Variants in GTF2I observed in about 807,000 individuals in gnomAD.
GTF2I encodes the protein general transcription factor IIi.
A neutral mutation model predicts 67.6 loss-of-function variants in GTF2I; 12 were observed. The ratio of observed to expected loss-of-function variants is 0.18; its 90% CI spans 0.11 to 0.29. The LOEUF (loss-of-function observed/expected upper bound fraction) is 0.29, where lower values mean the gene tolerates loss of function less well. Among genes scored for constraint, GTF2I ranks in the 10% least tolerant of loss-of-function variants. The pLI is 1.00. For missense variants in GTF2I, 271 were observed against 580.1 expected (o/e 0.47, Z 5.47); for synonymous variants, 149 against 197.0 (o/e 0.76, Z 2.04).
At chr7:74,663,286 GTATT>G (rs1376915644) in intron 1 of GTF2I, among the ~76,000 whole-genome samples, 11 of 152,184 alleles carry the variant, frequency 7.2e-5, no homozygotes, top group South Asian at 2.1e-4. Flanking sequence ...CTAAGGGAAA[GTATT>G]TATTTATTTT....
chr7:74,687,033 A>G lies in GTF2I; in HGVS notation c.-5-2091A>G, dbSNP rs1344003143. ...GCCTCCTGAGTGACTGGAATTACAG[A>G]TGGTACACCACCATGCCTGGCTAAT... On this transcript the variant is annotated intron_variant, in intron 1 of 34. Transcript: ENST00000573035. Among the ~76,000 whole-genome samples the G allele has an allele frequency of 4.0e-5, 6 of 150,892 alleles. No individual in the cohort carries two copies. In the East Asian group the frequency reaches 1.2e-3, roughly 30 times the overall value.
At chr7:74,732,164 A>T (rs1449683545) in intron 14 of GTF2I, among the ~76,000 whole-genome samples, 4 of 145,124 alleles carry the variant, frequency 2.8e-5, no homozygotes, top group Admixed American at 1.4e-4. Flanking sequence ...TATATACATA[A>T]ACACATATAC....
chr7:74,726,660 A>T (rs1793819246), intron 12 of GTF2I: 1 of 152,292 alleles, frequency 6.6e-6, no homozygotes, highest in Non-Finnish European at 1.5e-5. Context: ...CCTGGGCAAC[A>T]TAATGAGACC....
chr7:74,660,549 A>G (rs1365243890), intron 1 of GTF2I, among the ~76,000 whole-genome samples: 1 of 149,480 alleles, frequency 6.7e-6, no homozygotes, highest in Non-Finnish European at 1.5e-5. Context: ...CTCCCAATCA[A>G]CTTGTGTGCC....
chr7:74,666,967 GAC>G (rs1805038614), intron 1 of GTF2I, among the ~76,000 whole-genome samples: 1 of 151,696 alleles, frequency 6.6e-6, no homozygotes, highest in Admixed American at 6.6e-5. Context: ...GTGACAGTGT[GAC>G]ACTCTGTCTC....
chr7:74,739,054 G>A (rs1287975485), intron 19 of GTF2I, among the ~76,000 whole-genome samples: 29 of 36,424 alleles, frequency 8.0e-4, no homozygotes, highest in South Asian at 5.9e-3. Context: ...TTTTTGAGAC[G>A]GAGCCTCACT....
intron 9 of GTF2I, among the ~76,000 whole-genome samples, chr7:74,712,344 G>A (rs1451099270): frequency 6.6e-6 from 1 of 152,056 alleles, no homozygotes; most frequent in East Asian, 1.9e-4. Flanking sequence ...AAGAAACAAC[G>A]TGTAACTATT....
intron 1 of GTF2I, among the ~76,000 whole-genome samples, chr7:74,670,197 T>C (rs1198268022): frequency 6.6e-6 from 1 of 152,216 alleles, no homozygotes; most frequent in East Asian, 1.9e-4. Flanking sequence ...TTATTAAGAA[T>C]TGACATGCAT....
At chr7:74,673,079 C>G (rs1441575696) in intron 1 of GTF2I, among the ~76,000 whole-genome samples, 1 of 152,118 alleles carries the variant, frequency 6.6e-6, no homozygotes, top group African/African-American at 2.4e-5. Context: ...CCAGGATGGT[C>G]TCCATTTCCT....
chr7:74,664,576 G>A (rs1554387838), intron 1 of GTF2I, among the ~76,000 whole-genome samples: 1 of 152,108 alleles, frequency 6.6e-6, no homozygotes, highest in African/African-American at 2.4e-5. Flanking sequence ...TGGGATTACA[G>A]GTGTGTGCCA....
intron 10 of GTF2I, 71 bp downstream of exon 10, chr7:74,714,987 T>C (rs1792086381): frequency 4.5e-6 from 4 of 887,222 alleles, no homozygotes; most frequent in African/African-American, 1.7e-5. Context: ...GCACAGACTG[T>C]GTTTTAATAT....
At chr7:74,664,804 A>C (rs1448232568) in intron 1 of GTF2I, among the ~76,000 whole-genome samples, 1 of 152,162 alleles carries the variant, frequency 6.6e-6, no homozygotes, top group African/African-American at 2.4e-5. Flanking sequence ...ACAAATTTAT[A>C]AATTGAGAGA....
chr7:74,749,944 A>C (rs1423961859), intron 26 of GTF2I, among the ~76,000 whole-genome samples: 22 of 145,468 alleles, frequency 1.5e-4, no homozygotes, highest in African/African-American at 5.5e-4. Flanking sequence ...CTGCTGGTAG[A>C]AGGGAAGGAG....
At chr7:74,669,240 T>C (rs1229192479) in intron 1 of GTF2I, among the ~76,000 whole-genome samples, 4 of 146,134 alleles carry the variant, frequency 2.7e-5, no homozygotes, top group Non-Finnish European at 6.0e-5. Context: ...TTTTTTTTTT[T>C]TTTTTTTTGA....
chr7:74,673,142 G>C (rs367870108), intron 1 of GTF2I, among the ~76,000 whole-genome samples: 1 of 152,134 alleles, frequency 6.6e-6, no homozygotes. Flanking sequence ...TTACAGGCCT[G>C]AGCCACTGCC....
intron 1 of GTF2I, among the ~76,000 whole-genome samples, chr7:74,682,709 A>G (rs587706963): frequency 6.6e-6 from 1 of 152,362 alleles, no homozygotes; most frequent in East Asian, 1.9e-4. Flanking sequence ...CATAAGGGTA[A>G]GAACCACTGG....
chr7:74,677,087 C>T (rs1194868189), intron 1 of GTF2I, among the ~76,000 whole-genome samples: 2 of 151,960 alleles, frequency 1.3e-5, no homozygotes, highest in South Asian at 4.2e-4. Flanking sequence ...AAACAAAAAA[C>T]CGAAAAAACC....
intron 1 of GTF2I, among the ~76,000 whole-genome samples, chr7:74,686,156 C>T (rs1298316175): frequency 6.6e-6 from 1 of 152,056 alleles, no homozygotes; most frequent in African/African-American, 2.4e-5. Context: ...AGAAAGCAAC[C>T]AATCAGAGAT....
intron 10 of GTF2I, among the ~76,000 whole-genome samples, chr7:74,716,325 A>G (rs1792259931): frequency 6.6e-6 from 1 of 152,120 alleles, no homozygotes; most frequent in African/African-American, 2.4e-5. Context: ...ATATTACCTG[A>G]CTTAAAATGC....
Sources: allele counts gnomAD v4.1 joint callset (sites outside exome capture counted in the v4.1 genomes callset), GRCh38; gene constraint gnomAD v4.1.1; transcripts MANE v1.5; gene names NCBI Gene and HGNC (gene_info 2026-07-23, HGNC 2026-07-21).